CTNNA3: variants seen among roughly 807,000 people sequenced by gnomAD.
The protein encoded by CTNNA3 is catenin alpha-3.
A neutral mutation model predicts 95.7 loss-of-function variants in CTNNA3; 76 were observed. The observed-to-expected ratio is 0.79, with a 90% CI of 0.66 to 0.96. The LOEUF (loss-of-function observed/expected upper bound fraction) is 0.96. Ranked by LOEUF, CTNNA3 falls within the 40% of genes least tolerant of loss-of-function variation. The pLI is 0.00. For missense variants in CTNNA3, 1,191 were observed against 1,089.8 expected (o/e 1.09, Z -1.31); for synonymous variants, 431 against 374.4 (o/e 1.15, Z -1.74).
At chr10:66,594,778 A>T (rs1390967426) in intron 10 of CTNNA3, among the ~76,000 whole-genome samples, 1 of 152,164 alleles carries the variant, frequency 6.6e-6, no homozygotes, top group Non-Finnish European at 1.5e-5. Flanking sequence ...AAGCCAGATC[A>T]TCTAAGTATG....
At chr10:67,418,660 T>TA (rs933134865) in intron 5 of CTNNA3, among the ~76,000 whole-genome samples, 3 of 152,064 alleles carry the variant, frequency 2.0e-5, no homozygotes, top group African/African-American at 7.2e-5. Flanking sequence ...CTCACACAAG[T>TA]AGAGAGTAGA....
chr10:67,641,095 C>G (rs549428979), intron 2 of CTNNA3, among the ~76,000 whole-genome samples: 37 of 152,054 alleles, frequency 2.4e-4, no homozygotes, highest in African/African-American at 8.4e-4. Context: ...AAAATTTTTG[C>G]AATCTAGTCA....
At chr10:67,488,654 A>C (rs907747004) in intron 5 of CTNNA3, among the ~76,000 whole-genome samples, 13 of 148,652 alleles carry the variant, frequency 8.7e-5, no homozygotes, top group African/African-American at 3.2e-4. Flanking sequence ...TACAGGTGTG[A>C]GCCAAAGTGC....
intron 9 of CTNNA3, among the ~76,000 whole-genome samples, chr10:66,661,108 A>T (rs1272341285): frequency 6.6e-6 from 1 of 151,676 alleles, no homozygotes; most frequent in African/African-American, 2.4e-5. Context: ...TTTTGATACT[A>T]AACAATTAGA....
chr10:66,748,907 T>C (rs1839000568), intron 9 of CTNNA3, among the ~76,000 whole-genome samples: 1 of 151,636 alleles, frequency 6.6e-6, no homozygotes, highest in Non-Finnish European at 1.5e-5. Context: ...GCACGGTGGC[T>C]CACACCTGTA....
At chr10:66,505,737 T>C (rs1840427345) in intron 11 of CTNNA3, among the ~76,000 whole-genome samples, 3 of 152,184 alleles carry the variant, frequency 2.0e-5, no homozygotes, top group Admixed American at 2.0e-4. Flanking sequence ...ACCTGTTTTA[T>C]ATTGGATTTA....
chr10:66,681,196 C>T (rs1847055718), intron 9 of CTNNA3, among the ~76,000 whole-genome samples: 2 of 152,080 alleles, frequency 1.3e-5, no homozygotes, highest in Admixed American at 1.3e-4. Context: ...CCCATTTGTT[C>T]ATTATGTAAG....
intron 5 of CTNNA3, among the ~76,000 whole-genome samples, chr10:67,293,521 A>AT (rs558973126): frequency 6.6e-6 from 1 of 151,896 alleles, no homozygotes; most frequent in African/African-American, 2.4e-5. Context: ...TACACATTTT[A>AT]TTTTTTTTAT....
intron 6 of CTNNA3, among the ~76,000 whole-genome samples, chr10:67,204,094 A>T (rs912422458): frequency 6.6e-6 from 1 of 152,142 alleles, no homozygotes; most frequent in Admixed American, 6.5e-5. Flanking sequence ...TTTTATTAGA[A>T]GGAAGTGATA....
chr10:66,299,896 T>G (rs1405299289), intron 12 of CTNNA3, among the ~76,000 whole-genome samples: 1 of 151,958 alleles, frequency 6.6e-6, no homozygotes, highest in African/African-American at 2.4e-5. Context: ...ATGAGGAAAT[T>G]TTTTTTCTTT....
intron 5 of CTNNA3, among the ~76,000 whole-genome samples, chr10:67,406,918 A>T (rs1040636201): frequency 6.6e-6 from 1 of 152,186 alleles, no homozygotes; most frequent in African/African-American, 2.4e-5. Flanking sequence ...AAATCAAATC[A>T]GTAATGAATA....
At chr10:66,266,671 C>G (rs2091166589) in intron 13 of CTNNA3, among the ~76,000 whole-genome samples, 1 of 152,034 alleles carries the variant, frequency 6.6e-6, no homozygotes, top group African/African-American at 2.4e-5. Context: ...GACTACCAGT[C>G]TGATTTCCTA....
intron 9 of CTNNA3, among the ~76,000 whole-genome samples, chr10:66,685,308 T>TAC (rs1847236062): frequency 3.5e-4 from 16 of 45,756 alleles, no homozygotes; most frequent in African/African-American, 1.5e-3. Context: ...TGTATATATA[T>TAC]GTGTGTGTGT....
intron 13 of CTNNA3, among the ~76,000 whole-genome samples, chr10:66,131,036 C>T (rs566406821): frequency 3.3e-4 from 46 of 140,140 alleles, no homozygotes; most frequent in Middle Eastern, 3.8e-3. Context: ...ATAATGAGCT[C>T]TATAATTGAA....
At chr10:66,647,127 A>G (rs1845733108) in intron 9 of CTNNA3, among the ~76,000 whole-genome samples, 1 of 152,216 alleles carries the variant, frequency 6.6e-6, no homozygotes. Flanking sequence ...TTAACACACA[A>G]GTTGTGCTCA....
At chr10:66,361,429 TTTC>T (rs1589140932) in intron 12 of CTNNA3, among the ~76,000 whole-genome samples, 2 of 150,270 alleles carry the variant, frequency 1.3e-5, no homozygotes, top group East Asian at 2.0e-4. Flanking sequence ...CCTTTCCTTC[TTTC>T]TTTTCTTTTC....
chr10:67,726,639 A>C (rs867534430), intron 1 of CTNNA3, among the ~76,000 whole-genome samples: 1 of 1,776 alleles, frequency 5.6e-4, no homozygotes, highest in Non-Finnish European at 1.1e-3. Flanking sequence ...TATTATATAT[A>C]ATATATACTA....
At position 67,485,144 on chromosome 10, in the gene CTNNA3, AGATT is replaced by A. The variant is rs1421880689; in HGVS notation, c.579+36694_579+36697del. On this transcript the variant is annotated intron_variant, in intron 5 of 17. Transcript: ENST00000433211. ...ATGGAATACTATGCAGCCATAAAAAAGATTGAAGTTGTGTCCTCTGCAGCAACAT... is the reference window on the plus strand; with the variant it reads ...ATGGAATACTATGCAGCCATAAAAAAGAAGTTGTGTCCTCTGCAGCAACAT... Among the ~76,000 whole-genome samples the A allele has an allele frequency of 3.3e-5, 5 of 152,222 alleles. No individual in the cohort carries two copies. In the South Asian group the frequency reaches 8.3e-4, roughly 25 times the overall value.
chr10:66,560,947 G>C (rs1413842158), intron 10 of CTNNA3, among the ~76,000 whole-genome samples: 1 of 151,864 alleles, frequency 6.6e-6, no homozygotes, highest in Non-Finnish European at 1.5e-5. Flanking sequence ...TGAGACATTG[G>C]ATCTACCAAC....
Sources: allele counts gnomAD v4.1 joint callset (sites outside exome capture counted in the v4.1 genomes callset), GRCh38; gene constraint gnomAD v4.1.1; transcripts MANE v1.5; gene names NCBI Gene and HGNC (gene_info 2026-07-23, HGNC 2026-07-21).